Variants in OR2L13 observed in about 807,000 individuals in gnomAD.
OR2L13 encodes the protein olfactory receptor family 2 subfamily L member 13, also known as olfactory receptor 2L13.
In OR2L13, 14 loss-of-function variants were observed where a neutral mutation model predicts 15.3. That is an observed-to-expected ratio of 0.91 (90% CI 0.60 to 1.43). The LOEUF is 1.43. Among genes scored for constraint, OR2L13 ranks in the 40% most tolerant of loss-of-function variants. The pLI, the probability that OR2L13 is intolerant of heterozygous loss-of-function variation, is 0.00. For synonymous variants in OR2L13, 152 were observed against 142.9 expected (o/e 1.06, Z -0.45); for missense variants, 367 against 387.9 (o/e 0.95, Z 0.45).
chr1:248,043,013 A>G, the OR2L13 span, among the ~76,000 whole-genome samples: 1 of 152,218 alleles, frequency 6.6e-6, no homozygotes, highest in African/African-American at 2.4e-5. Flanking sequence ...CACCATGAGC[A>G]GTTTCCAATA....
At chr1:247,982,615 G>A in the OR2L13 span, among the ~76,000 whole-genome samples, 2 of 152,100 alleles carry the variant, frequency 1.3e-5, no homozygotes, top group African/African-American at 4.8e-5. Context: ...GTATTTTTTA[G>A]TAAGTGAATT....
the OR2L13 span, among the ~76,000 whole-genome samples, chr1:248,011,242 T>C: frequency 1.3e-5 from 2 of 152,196 alleles, no homozygotes; most frequent in Non-Finnish European, 2.9e-5. Context: ...AAATTATGTT[T>C]TGAAAATTCT....
chr1:248,018,080 G>A, the OR2L13 span, among the ~76,000 whole-genome samples: 4,386 of 150,506 alleles, frequency 0.029, 193 homozygotes, highest in African/African-American at 0.1. Context: ...GCGTGAACCC[G>A]GGAGGCGGAG....
chr1:248,055,282 T>A, the OR2L13 span, among the ~76,000 whole-genome samples: 8 of 152,358 alleles, frequency 5.3e-5, no homozygotes, highest in African/African-American at 1.7e-4. Context: ...ATCCAGGGGA[T>A]GAAGCTGACT....
chr1:247,990,144 G>A, the OR2L13 span: 2 of 496,034 alleles, frequency 4.0e-6, no homozygotes, highest in Non-Finnish European at 3.7e-6. Context: ...ATAGGGTTCA[G>A]TGTAAACCCC....
At chr1:248,022,722 C>G in the OR2L13 span, 3 of 1,614,184 alleles carry the variant, frequency 1.9e-6, no homozygotes, top group Non-Finnish European at 2.5e-6. Context: ...TTATACCTAT[C>G]TATGTCCAAG....
the OR2L13 span, among the ~76,000 whole-genome samples, chr1:248,082,457 C>A: frequency 6.7e-6 from 1 of 149,930 alleles, no homozygotes; most frequent in African/African-American, 2.5e-5. Context: ...ATGTAACTAA[C>A]CTGCACAATG....
At chr1:248,043,098 G>C in the OR2L13 span, among the ~76,000 whole-genome samples, 1 of 152,082 alleles carries the variant, frequency 6.6e-6, no homozygotes, top group South Asian at 2.1e-4. Context: ...TAGAAACTTG[G>C]TGAATTTATT....
the OR2L13 span, among the ~76,000 whole-genome samples, chr1:247,958,009 C>T: frequency 1.3e-5 from 2 of 151,946 alleles, no homozygotes; most frequent in Admixed American, 1.3e-4. Flanking sequence ...GCTCTTGCTT[C>T]TCTAGTTTTT....
At chr1:248,003,705 G>T in the OR2L13 span, 15 of 1,613,204 alleles carry the variant, frequency 9.3e-6, no homozygotes, top group East Asian at 1.1e-4. Context: ...ATGGACACCT[G>T]GGTCTATGAG....
the OR2L13 span, among the ~76,000 whole-genome samples, chr1:247,967,610 T>C: frequency 2.0e-5 from 3 of 152,164 alleles, no homozygotes; most frequent in Non-Finnish European, 4.4e-5. Context: ...AATATTCCAT[T>C]ATTAAACATT....
chr1:248,006,263 GTGTGTGTGTGTGTGTGTGTGTGTT>G, the OR2L13 span, among the ~76,000 whole-genome samples: 2 of 151,448 alleles, frequency 1.3e-5, no homozygotes, highest in Admixed American at 1.3e-4. Flanking sequence ...GTGTGTGTGT[GTGTGTGTGTGTGTGTGTGTGTGTT>G]TGTGTGCATA....
chr1:248,061,181 A>C, the OR2L13 span: 1 of 1,612,750 alleles, frequency 6.2e-7, no homozygotes, highest in Non-Finnish European at 8.5e-7. Context: ...CATATTCCTT[A>C]TTGCCAATCC....
chr1:248,024,769 T>A, the OR2L13 span, among the ~76,000 whole-genome samples: 1 of 152,208 alleles, frequency 6.6e-6, no homozygotes, highest in Non-Finnish European at 1.5e-5. Context: ...GATCTATATC[T>A]CTGTTTTGAT....
chr1:247,974,207 C>T, the OR2L13 span, among the ~76,000 whole-genome samples: 6 of 152,120 alleles, frequency 3.9e-5, no homozygotes, highest in South Asian at 4.2e-4. Context: ...CACTCATAAG[C>T]GAGAGTTGAA....
the OR2L13 span, chr1:247,966,103 T>G: frequency 6.2e-7 from 1 of 1,613,986 alleles, no homozygotes; most frequent in African/African-American, 1.3e-5. Flanking sequence ...CACTTGTTCC[T>G]CCCACCTGAT....
At chr1:248,064,205 G>A in the OR2L13 span, among the ~76,000 whole-genome samples, 1 of 152,058 alleles carries the variant, frequency 6.6e-6, no homozygotes, top group Non-Finnish European at 1.5e-5. Context: ...TAGGAGTTGG[G>A]GCCTTTTGGG....
chr1:248,071,055 G>A, the OR2L13 span, among the ~76,000 whole-genome samples: 1 of 152,054 alleles, frequency 6.6e-6, no homozygotes, highest in Non-Finnish European at 1.5e-5. Flanking sequence ...GTACAAGGAG[G>A]AACTGGTACC....
At chr1:248,006,386 C>T in the OR2L13 span, among the ~76,000 whole-genome samples, 2 of 151,976 alleles carry the variant, frequency 1.3e-5, no homozygotes, top group African/African-American at 2.4e-5. Flanking sequence ...TGCATTCTGC[C>T]AACCTCTCCA....
Sources: allele counts gnomAD v4.1 joint callset (sites outside exome capture counted in the v4.1 genomes callset), GRCh38; gene constraint gnomAD v4.1.1; transcripts MANE v1.5; gene names NCBI Gene and HGNC (gene_info 2026-07-23, HGNC 2026-07-21).